PAK1: variants seen among roughly 807,000 people sequenced by gnomAD.
The protein encoded by PAK1 is serine/threonine-protein kinase PAK 1.
A neutral mutation model predicts 67.4 loss-of-function variants in PAK1; 29 were observed. The observed-to-expected ratio is 0.43, with a 90% confidence interval of 0.32 to 0.59. The LOEUF is 0.59. Ranked by LOEUF, PAK1 falls within the 20% of genes least tolerant of loss-of-function variation. PAK1 has a pLI of 0.07. For missense variants in PAK1, 337 were observed against 670.7 expected (o/e 0.50, Z 5.50); for synonymous variants, 223 against 237.4 (o/e 0.94, Z 0.56).
chr11:77,512,755 A>G, the PAK1 span, among the ~76,000 whole-genome samples: 1 of 152,108 alleles, frequency 6.6e-6, no homozygotes. Flanking sequence ...TCCTTTCATC[A>G]TCCTTCCAAG....
chr11:77,433,362 T>C (rs778479634), intron 1 of PAK1, among the ~76,000 whole-genome samples: 12 of 152,164 alleles, frequency 7.9e-5, no homozygotes, highest in Non-Finnish European at 1.8e-4. Flanking sequence ...ATAAAAACTT[T>C]TGTGCTATAA....
intron 1 of PAK1, among the ~76,000 whole-genome samples, chr11:77,429,092 A>C (rs1055981109): frequency 2.6e-5 from 3 of 114,818 alleles, no homozygotes; most frequent in African/African-American, 5.4e-5. Flanking sequence ...AAAAAAAAAA[A>C]AACACACACA....
chr11:77,442,675 G>A (rs1956406862), intron 1 of PAK1, among the ~76,000 whole-genome samples: 2 of 152,196 alleles, frequency 1.3e-5, no homozygotes, highest in South Asian at 4.1e-4. Flanking sequence ...CTCAGAAACT[G>A]TGTGAAATAA....
intron 5 of PAK1, among the ~76,000 whole-genome samples, chr11:77,365,560 C>T (rs1293297929): frequency 5.3e-5 from 8 of 152,044 alleles, no homozygotes; most frequent in African/African-American, 1.7e-4. Flanking sequence ...TGGCTGGGAG[C>T]GGTGGCTCAT....
chr11:77,345,318 T>C (rs994588511), intron 9 of PAK1, among the ~76,000 whole-genome samples: 2 of 128,816 alleles, frequency 1.6e-5, no homozygotes, highest in African/African-American at 6.4e-5. Flanking sequence ...GGTTGGAAAG[T>C]ACTTTGTTTT....
At chr11:77,490,458 G>A in the PAK1 span, among the ~76,000 whole-genome samples, 1 of 142,270 alleles carries the variant, frequency 7.0e-6, no homozygotes, top group Non-Finnish European at 1.5e-5. Context: ...GAGGGAGGTG[G>A]GGGGGTCAGC....
intron 1 of PAK1, among the ~76,000 whole-genome samples, chr11:77,443,305 TAAAAAA>T (rs11330130): frequency 7.9e-6 from 1 of 126,934 alleles, no homozygotes; most frequent in East Asian, 2.2e-4. Context: ...CTCCGTCTCT[TAAAAAA>T]AAAAAAAAAA....
intron 1 of PAK1, among the ~76,000 whole-genome samples, chr11:77,393,318 G>A (rs922261342): frequency 3.7e-4 from 56 of 149,424 alleles, no homozygotes; most frequent in African/African-American, 1.3e-3. Context: ...AGAGAGATGG[G>A]ATTCTTGCTC....
At chr11:77,488,216 G>C in the PAK1 span, among the ~76,000 whole-genome samples, 1 of 152,190 alleles carries the variant, frequency 6.6e-6, no homozygotes, top group Admixed American at 6.5e-5. Context: ...TAGTGTTACT[G>C]GGCTTGGGGT....
At chr11:77,492,153 A>T in the PAK1 span, among the ~76,000 whole-genome samples, 1 of 152,176 alleles carries the variant, frequency 6.6e-6, no homozygotes, top group South Asian at 2.1e-4. Flanking sequence ...GAGATGGATC[A>T]CGAACATTCC....
At chr11:77,414,115 C>T (rs999965512) in intron 1 of PAK1, among the ~76,000 whole-genome samples, 1 of 152,232 alleles carries the variant, frequency 6.6e-6, no homozygotes, top group African/African-American at 2.4e-5. Flanking sequence ...GGAGCAACGT[C>T]CTCCAGGGCA....
chr11:77,362,039 ATT>A (rs66769547), intron 5 of PAK1, among the ~76,000 whole-genome samples: 35,812 of 152,010 alleles, frequency 0.24, 4,768 homozygotes, highest in Non-Finnish European at 0.3. Flanking sequence ...AATGTTACTA[ATT>A]TAAGGTTACT....
chr11:77,359,096 G>A (rs1002976662), intron 5 of PAK1, 79 bp from the exon 6 acceptor site: 34 of 1,338,316 alleles, frequency 2.5e-5, no homozygotes, highest in Admixed American at 1.6e-4. Context: ...AACCTCCCAC[G>A]AGAAACCCCA....
intron 1 of PAK1, among the ~76,000 whole-genome samples, chr11:77,402,499 A>G (rs1952838021): frequency 6.6e-6 from 1 of 152,162 alleles, no homozygotes; most frequent in South Asian, 2.1e-4. Flanking sequence ...ATTCCCAATA[A>G]TTCAGGCAAA....
At chr11:77,456,638 T>C (rs146969551) in intron 1 of PAK1, among the ~76,000 whole-genome samples, 2,348 of 152,372 alleles carry the variant, frequency 0.015, 29 homozygotes, top group South Asian at 0.025. Context: ...CCGACATTTG[T>C]TAAGGACTTC....
At chr11:77,342,816 T>TA (rs1237292125) in intron 10 of PAK1, among the ~76,000 whole-genome samples, 4 of 151,466 alleles carry the variant, frequency 2.6e-5, no homozygotes, top group African/African-American at 9.7e-5. Flanking sequence ...GTAAAGAAAT[T>TA]AGAGTCCAAG....
chr11:77,456,045 A>G (rs1355735764), intron 1 of PAK1: 1 of 152,226 alleles, frequency 6.6e-6, no homozygotes, highest in African/African-American at 2.4e-5. Flanking sequence ...ACCTGCACCT[A>G]CAAATTCACA....
upstream of PAK1, chr11:77,474,889 G>C (rs770873374): frequency 2.6e-5 from 4 of 152,176 alleles, no homozygotes; most frequent in Non-Finnish European, 5.9e-5. Context: ...TCGTACCTCA[G>C]ATTCAACATG....
At chr11:77,525,801 G>A in the PAK1 span, among the ~76,000 whole-genome samples, 2 of 152,224 alleles carry the variant, frequency 1.3e-5, no homozygotes, top group African/African-American at 4.8e-5. Context: ...ATTGGATTCA[G>A]TTTGGGTTTC....
Sources: allele counts gnomAD v4.1 joint callset (sites outside exome capture counted in the v4.1 genomes callset), GRCh38; gene constraint gnomAD v4.1.1; transcripts MANE v1.5; gene names NCBI Gene and HGNC (gene_info 2026-07-23, HGNC 2026-07-21).